The following BAALC variants were observed in gnomAD, a reference collection of about 807,000 sequenced individuals.
BAALC encodes BAALC binder of MAP3K1 and KLF4, also known as brain and acute leukemia cytoplasmic protein.
A neutral mutation model predicts 15.5 loss-of-function variants in BAALC; 9 were observed. The observed-to-expected ratio is 0.58, with a 90% confidence interval of 0.35 to 1.02. BAALC has a LOEUF of 1.02. BAALC is among the 50% of genes least tolerant of loss of function. The probability of loss-of-function intolerance (pLI) is 0.02; values close to 1 mark genes in which losing one functional copy is unlikely to be tolerated. For missense variants in BAALC, 201 were observed against 192.4 expected, an observed-to-expected ratio of 1.04 and a Z score of -0.27; for synonymous variants, 80 against 74.6, an observed-to-expected ratio of 1.07 and a Z score of -0.37.
chr8:103,175,049 C>A (rs111902624), intron 1 of BAALC, among the ~76,000 whole-genome samples: 1 of 152,330 alleles, frequency 6.6e-6, no homozygotes, highest in Non-Finnish European at 1.5e-5. Context: ...CAGAGCCTGT[C>A]AGCCTGTGGC....
intron 1 of BAALC, among the ~76,000 whole-genome samples, chr8:103,170,177 G>C (rs1008998754): frequency 3.3e-5 from 5 of 150,770 alleles, no homozygotes; most frequent in Non-Finnish European, 7.4e-5. Context: ...GAGTGGGACA[G>C]AGCTCATTGC....
At chr8:103,215,629 A>G (rs1319312647) in intron 2 of BAALC, among the ~76,000 whole-genome samples, 1 of 152,168 alleles carries the variant, frequency 6.6e-6, no homozygotes, top group Non-Finnish European at 1.5e-5. Flanking sequence ...TCTGGGGTAT[A>G]TTCTTATGAC....
chr8:103,206,426 C>T (rs1390148283), intron 1 of BAALC, among the ~76,000 whole-genome samples: 1 of 152,106 alleles, frequency 6.6e-6, no homozygotes, highest in Non-Finnish European at 1.5e-5. Context: ...ATGTAGAGGT[C>T]ATGGTCCACC....
Position 103,228,092 on chromosome 8 carries a change from T to A in BAALC, c.431T>A (p.Val144Asp). ...AGTCGAAGAATCACAAAGAACTGTGTCAACTAGCAGAGAGTCCAAGCAGAA... is the reference window on the plus strand; with the variant it reads ...AGTCGAAGAATCACAAAGAACTGTGACAACTAGCAGAGAGTCCAAGCAGAA... Reference protein sequence around the residue: ...DRSRRITKNCVN With the variant: ...DRSRRITKNCDN The change falls in exon 3 of 3, where the codon GTC becomes GAC. Residue 144 changes from valine (V) to aspartate (D), a missense_variant. Coordinates refer to ENST00000309982, the MANE Select transcript of BAALC (RefSeq NM_024812.3). The A allele has an allele frequency of 6.2e-7, 1 of 1,607,034 alleles. No homozygotes were observed. Among genetic ancestry groups the A allele is most frequent in the South Asian group, 1.1e-5 (1 of 90,800 alleles).
intron 1 of BAALC, chr8:103,141,446 G>A: frequency 5.1e-6 from 1 of 194,958 alleles, no homozygotes; most frequent in Non-Finnish European, 1.0e-5. Flanking sequence ...CCATCCCCTG[G>A]CCACCTGCGT....
Position 103,213,014 on chromosome 8 carries a change from C to A in BAALC, c.256C>A (p.Gln86Lys), listed in dbSNP as rs1404879853. 6.2e-7 allele frequency: 1 copy of A among 1,614,070 alleles called. No individual in the cohort carries two copies. Among genetic ancestry groups the A allele is most frequent in the African/African-American group, 1.3e-5 (1 of 74,942 alleles). ...AGAGAAGAAGACGAACTGTGAGACC[C>A]AGTGCCCAAATCCCCAGAGCCTCAG... is the stretch of plus-strand genomic sequence containing the variant. ...NPEKKTNCETQCPNPQSLSSG... is the reference protein window; with the variant it reads ...NPEKKTNCETKCPNPQSLSSG... Residue 86 changes from glutamine (Q) to lysine (K), a missense_variant, in exon 2 of 3, where the codon CAG (glutamine) becomes AAG (lysine). Transcript: ENST00000309982.
chr8:103,152,029 C>T (rs1563634823), intron 1 of BAALC, among the ~76,000 whole-genome samples: 1 of 152,112 alleles, frequency 6.6e-6, no homozygotes, highest in Non-Finnish European at 1.5e-5. Context: ...TCCACTTGAA[C>T]ATCTGCCATA....
At chr8:103,185,355 C>T (rs1811810670) in intron 1 of BAALC, among the ~76,000 whole-genome samples, 2 of 152,128 alleles carry the variant, frequency 1.3e-5, no homozygotes, top group South Asian at 4.1e-4. Context: ...TTGTCTCCTC[C>T]TACTTTTCTA....
intron 1 of BAALC, among the ~76,000 whole-genome samples, chr8:103,177,372 AC>A (rs1811630844): frequency 6.6e-6 from 1 of 151,844 alleles, no homozygotes; most frequent in African/African-American, 2.4e-5. Context: ...TTTTGTAGAG[AC>A]GGGGTCTTAC....
chr8:103,148,160 T>G (rs137938626), intron 1 of BAALC, among the ~76,000 whole-genome samples: 1 of 152,272 alleles, frequency 6.6e-6, no homozygotes, highest in Non-Finnish European at 1.5e-5. Context: ...GGGTGGGCCC[T>G]AATCCAGAAT....
At chr8:103,141,208 T>G in intron 1 of BAALC, 151 bp downstream of exon 1, 1 of 867,398 alleles carries the variant, frequency 1.2e-6, no homozygotes, top group Non-Finnish European at 1.6e-6. Context: ...CACTGATCAG[T>G]GGACAGATGC....
At chr8:103,149,268 C>T (rs1419241802) in intron 1 of BAALC, among the ~76,000 whole-genome samples, 2 of 152,166 alleles carry the variant, frequency 1.3e-5, no homozygotes, top group East Asian at 1.9e-4. Flanking sequence ...TGCAGCTCTG[C>T]GGTGCTTACA....
chr8:103,205,799 A>G (rs1438372376), intron 1 of BAALC, among the ~76,000 whole-genome samples: 1 of 152,168 alleles, frequency 6.6e-6, no homozygotes, highest in Non-Finnish European at 1.5e-5. Context: ...CTAATACCAC[A>G]AGCTTTGGAA....
intron 2 of BAALC, among the ~76,000 whole-genome samples, chr8:103,220,496 GTGTC>G (rs1354385780): frequency 6.6e-6 from 1 of 152,122 alleles, no homozygotes; most frequent in Non-Finnish European, 1.5e-5. Context: ...TATTTACTGA[GTGTC>G]TATTATGCGA....
At chr8:103,161,240 G>T in intron 1 of BAALC, among the ~76,000 whole-genome samples, 1 of 151,118 alleles carries the variant, frequency 6.6e-6, no homozygotes, top group African/African-American at 2.4e-5. Context: ...TGATTCCTTT[G>T]TCATCCTATA....
chr8:103,213,156 C>T, intron 2 of BAALC, 71 bp downstream of exon 2: 1 of 1,512,604 alleles, frequency 6.6e-7, no homozygotes, highest in Non-Finnish European at 9.0e-7. Context: ...GGCAGAGCCA[C>T]CCAGCCGCTA....
At chr8:103,220,200 G>C (rs940235106) in intron 2 of BAALC, among the ~76,000 whole-genome samples, 3 of 152,148 alleles carry the variant, frequency 2.0e-5, no homozygotes, top group Non-Finnish European at 4.4e-5. Flanking sequence ...TGAAACCTGG[G>C]GCCACCATCT....
intron 2 of BAALC, among the ~76,000 whole-genome samples, chr8:103,222,798 A>G (rs937370996): frequency 6.6e-5 from 10 of 152,212 alleles, no homozygotes; most frequent in African/African-American, 2.2e-4. Flanking sequence ...TTTATCTGGA[A>G]GCACAACTTT....
intron 1 of BAALC, among the ~76,000 whole-genome samples, chr8:103,168,849 G>T (rs1811410461): frequency 6.6e-6 from 1 of 151,988 alleles, no homozygotes. Flanking sequence ...AGCTTTCTAT[G>T]TAAGAGGTGA....
Sources: allele counts gnomAD v4.1 joint callset (sites outside exome capture counted in the v4.1 genomes callset), GRCh38; gene constraint gnomAD v4.1.1; transcripts MANE v1.5; gene names NCBI Gene and HGNC (gene_info 2026-07-23, HGNC 2026-07-21).